THSD7B: variants seen among roughly 807,000 people sequenced by gnomAD.
THSD7B encodes the protein thrombospondin type-1 domain-containing protein 7B.
THSD7B carries 138 observed loss-of-function variants against 213.6 expected under a neutral mutation model. The observed-to-expected ratio is 0.65, with a 90% confidence interval of 0.56 to 0.74. The LOEUF (loss-of-function observed/expected upper bound fraction) is 0.74. Among genes scored for constraint, THSD7B ranks in the 30% least tolerant of loss-of-function variants. THSD7B has a pLI of 0.00. For missense variants in THSD7B, 1,931 were observed against 1,991.5 expected, an observed-to-expected ratio of 0.97 and a Z score of 0.58; for synonymous variants, 742 against 687.0, an observed-to-expected ratio of 1.08 and a Z score of -1.25.
chr2:137,118,930 T>C (rs1168410154), intron 5 of THSD7B, among the ~76,000 whole-genome samples: 1 of 151,740 alleles, frequency 6.6e-6, no homozygotes, highest in African/African-American at 2.4e-5. Context: ...GCAAAAGGAG[T>C]GTCCCCTTAT....
At chr2:137,594,479 A>G (rs571674854) in intron 17 of THSD7B, among the ~76,000 whole-genome samples, 7 of 152,092 alleles carry the variant, frequency 4.6e-5, no homozygotes, top group African/African-American at 1.7e-4. Context: ...CCACTTCTAT[A>G]CAGTTTCAAA....
At chr2:137,452,334 A>G (rs952490471) in intron 15 of THSD7B, among the ~76,000 whole-genome samples, 3 of 152,226 alleles carry the variant, frequency 2.0e-5, no homozygotes, top group African/African-American at 7.2e-5. Context: ...TGGTGACAGG[A>G]GAATAAAATA....
intron 2 of THSD7B, among the ~76,000 whole-genome samples, chr2:136,993,934 T>C (rs1685833519): frequency 6.6e-6 from 1 of 152,210 alleles, no homozygotes; most frequent in South Asian, 2.1e-4. Context: ...TATATTTGTG[T>C]ATATATGTTT....
chr2:136,923,699 T>C (rs1573713140), intron 2 of THSD7B, among the ~76,000 whole-genome samples: 2 of 152,352 alleles, frequency 1.3e-5, no homozygotes, highest in South Asian at 2.1e-4. Flanking sequence ...GTGACTCTTA[T>C]GATTAGTGAC....
intron 16 of THSD7B, among the ~76,000 whole-genome samples, chr2:137,566,835 C>T (rs1171937769): frequency 1.3e-5 from 2 of 151,872 alleles, no homozygotes; most frequent in African/African-American, 4.8e-5. Context: ...CTATGAAATG[C>T]CAAAAAAGAA....
At chr2:136,861,396 T>A (rs1409772883) in intron 1 of THSD7B, among the ~76,000 whole-genome samples, 1 of 152,250 alleles carries the variant, frequency 6.6e-6, no homozygotes, top group East Asian at 1.9e-4. Context: ...AGATTCCGTG[T>A]TGGGTGCTTA....
chr2:137,207,768 T>C (rs1458556385), intron 7 of THSD7B, among the ~76,000 whole-genome samples: 1 of 152,060 alleles, frequency 6.6e-6, no homozygotes, highest in Non-Finnish European at 1.5e-5. Flanking sequence ...TCCTACTTAT[T>C]CAAACCTCAG....
intron 3 of THSD7B, among the ~76,000 whole-genome samples, chr2:137,058,719 G>T (rs1441801117): frequency 6.6e-6 from 1 of 152,100 alleles, no homozygotes; most frequent in African/African-American, 2.4e-5. Flanking sequence ...GGAGGCATGG[G>T]GCCTTTGGGA....
intron 1 of THSD7B, among the ~76,000 whole-genome samples, chr2:136,801,746 G>A (rs377011584): frequency 2.0e-5 from 3 of 152,094 alleles, no homozygotes; most frequent in East Asian, 3.9e-4. Flanking sequence ...CAAGCCAGTG[G>A]AATTGTGTCT....
chr2:137,006,358 G>T (rs1686110982), intron 2 of THSD7B, among the ~76,000 whole-genome samples: 1 of 152,216 alleles, frequency 6.6e-6, no homozygotes. Flanking sequence ...TGACACCACT[G>T]CACTCCAGCC....
intron 14 of THSD7B, among the ~76,000 whole-genome samples, chr2:137,449,270 T>C (rs536596198): frequency 6.6e-6 from 1 of 152,302 alleles, no homozygotes; most frequent in East Asian, 1.9e-4. Flanking sequence ...AATATAAGGA[T>C]TTGTGACACA....
At chr2:137,088,685 A>G (rs1349607228) in intron 3 of THSD7B, among the ~76,000 whole-genome samples, 4 of 152,204 alleles carry the variant, frequency 2.6e-5, no homozygotes, top group Non-Finnish European at 5.9e-5. Context: ...CAGCAAAATA[A>G]ACAGACAACC....
At position 137,272,514 on chromosome 2, in the gene THSD7B, T is replaced by C. The variant is rs981583665; in HGVS notation, c.2267-19T>C. On this transcript the variant is annotated intron_variant, in intron 10 of 27. Coordinates refer to ENST00000409968, the MANE Select transcript of THSD7B (RefSeq NM_001316349.2). ...AACATAAAAGGGCACTATATAATTT[T>C]CTTTTTCCTTTACTTCAGGAAATGC... 1.9e-6 allele frequency: 3 copies of C among 1,590,844 alleles called. No individual in the cohort carries two copies. Among genetic ancestry groups the C allele is most frequent in the African/African-American group, 2.7e-5 (2 of 73,428 alleles).
At chr2:137,166,819 A>G (rs927357935) in intron 6 of THSD7B, among the ~76,000 whole-genome samples, 2 of 152,178 alleles carry the variant, frequency 1.3e-5, no homozygotes, top group Non-Finnish European at 2.9e-5. Context: ...TAGATAGGAA[A>G]TGCTAAGAGA....
At chr2:137,032,252 G>A (rs1022905260) in intron 2 of THSD7B, among the ~76,000 whole-genome samples, 8 of 152,058 alleles carry the variant, frequency 5.3e-5, no homozygotes, top group Admixed American at 4.6e-4. Context: ...AAAAAATGCC[G>A]TTTAGTGTTG....
intron 12 of THSD7B, among the ~76,000 whole-genome samples, chr2:137,306,206 G>A (rs1015394490): frequency 6.6e-6 from 1 of 152,076 alleles, no homozygotes; most frequent in Non-Finnish European, 1.5e-5. Flanking sequence ...GTGCTGTGAT[G>A]TTAGGACGTT....
intron 2 of THSD7B, among the ~76,000 whole-genome samples, chr2:137,040,922 A>T (rs1686872085): frequency 6.6e-6 from 1 of 152,246 alleles, no homozygotes; most frequent in African/African-American, 2.4e-5. Flanking sequence ...GACAGGAATT[A>T]TGAGGTACTC....
chr2:137,672,813 C>G (rs1683606235), intron 27 of THSD7B, among the ~76,000 whole-genome samples: 1 of 152,294 alleles, frequency 6.6e-6, no homozygotes, highest in South Asian at 2.1e-4. Context: ...CTACTTCTTT[C>G]AAATACTAGC....
At chr2:137,211,975 T>A (rs1681122589) in intron 7 of THSD7B, among the ~76,000 whole-genome samples, 1 of 152,044 alleles carries the variant, frequency 6.6e-6, no homozygotes. Context: ...GATTCTACCA[T>A]GCTGGAGCTA....
Sources: gnomAD v4.1 joint callset for allele counts (sites outside exome capture counted in the v4.1 genomes callset) on GRCh38, gnomAD v4.1.1 for gene constraint, MANE v1.5 for transcripts, NCBI Gene and HGNC (gene_info 2026-07-23, HGNC 2026-07-21) for gene names.